Variants in POFUT3 observed in about 807,000 individuals in gnomAD.
The protein encoded by POFUT3 is protein O-fucosyltransferase 3, also known as GDP-fucose protein O-fucosyltransferase 3.
chr8:33,326,935 C>G, the POFUT3 span, among the ~76,000 whole-genome samples: 2 of 152,206 alleles, frequency 1.3e-5, no homozygotes, highest in Admixed American at 6.5e-5. Flanking sequence ...GGCCCATGCC[C>G]AGCTAATTTT....
At chr8:33,467,932 A>G in the POFUT3 span, among the ~76,000 whole-genome samples, 1 of 152,042 alleles carries the variant, frequency 6.6e-6, no homozygotes, top group Non-Finnish European at 1.5e-5. Context: ...TGACACTCTG[A>G]GCTTTCCGAA....
At chr8:33,309,968 T>C in the POFUT3 span, among the ~76,000 whole-genome samples, 1 of 152,210 alleles carries the variant, frequency 6.6e-6, no homozygotes, top group African/African-American at 2.4e-5. Flanking sequence ...ACCCCCGTGC[T>C]GCATATGATT....
At chr8:33,455,782 C>T in the POFUT3 span, 16 of 455,922 alleles carry the variant, frequency 3.5e-5, no homozygotes, top group South Asian at 2.2e-4. Flanking sequence ...CTTTTATGTG[C>T]TCGCTGCTCC....
the POFUT3 span, chr8:33,372,853 C>A: frequency 6.5e-7 from 1 of 1,541,320 alleles, no homozygotes; most frequent in East Asian, 2.3e-5. Context: ...GATAATGAAG[C>A]ACAATTCCCT....
chr8:33,406,665 C>T, the POFUT3 span, among the ~76,000 whole-genome samples: 2 of 151,788 alleles, frequency 1.3e-5, no homozygotes, highest in East Asian at 1.9e-4. Context: ...AACTCCTGCG[C>T]TCAAACAATC....
At chr8:33,388,908 G>A in the POFUT3 span, 2 of 1,353,882 alleles carry the variant, frequency 1.5e-6, no homozygotes, top group Non-Finnish European at 2.1e-6. Context: ...CAGGAGAGCA[G>A]AGAACATCAA....
the POFUT3 span, among the ~76,000 whole-genome samples, chr8:33,431,477 G>A: frequency 2.4e-3 from 339 of 140,688 alleles, no homozygotes; most frequent in African/African-American, 6.6e-3. Context: ...GAACCTGGGA[G>A]GCAGAGGTTG....
At chr8:33,394,361 A>G in the POFUT3 span, 1 of 157,138 alleles carries the variant, frequency 6.4e-6, no homozygotes, top group South Asian at 1.8e-4. Flanking sequence ...GACCCCCACA[A>G]GTGAACCACT....
At chr8:33,326,699 C>A in the POFUT3 span, among the ~76,000 whole-genome samples, 648 of 152,274 alleles carry the variant, frequency 4.3e-3, 15 homozygotes, top group Admixed American at 0.038. Context: ...CTTTGCCTGA[C>A]TTTAGAGATG....
the POFUT3 span, among the ~76,000 whole-genome samples, chr8:33,438,929 C>T: frequency 1.3e-5 from 2 of 148,152 alleles, no homozygotes; most frequent in African/African-American, 2.6e-5. Context: ...GTCTTTTCCA[C>T]AACACGTGGG....
At chr8:33,438,414 CA>C in the POFUT3 span, among the ~76,000 whole-genome samples, 1 of 151,856 alleles carries the variant, frequency 6.6e-6, no homozygotes, top group African/African-American at 2.4e-5. Flanking sequence ...CCTGTCTCTA[CA>C]AAAAAAATTA....
At chr8:33,372,699 G>T in the POFUT3 span, 4 of 1,613,896 alleles carry the variant, frequency 2.5e-6, no homozygotes, top group African/African-American at 1.3e-5. Context: ...CACATCTCTC[G>T]CAAAGAGCTC....
At chr8:33,379,991 GTATATATATATAC>G in the POFUT3 span, among the ~76,000 whole-genome samples, 1 of 36,606 alleles carries the variant, frequency 2.7e-5, no homozygotes, top group African/African-American at 2.1e-4. Context: ...TATATATATA[GTATATATATATAC>G]TATATATATA....
the POFUT3 span, among the ~76,000 whole-genome samples, chr8:33,387,103 T>TTG: frequency 2.5e-3 from 372 of 151,120 alleles, 2 homozygotes; most frequent in African/African-American, 8.0e-3. Context: ...GTGTGTGTGT[T>TTG]TGTGTGTGTG....
the POFUT3 span, among the ~76,000 whole-genome samples, chr8:33,386,804 C>T: frequency 7.8e-4 from 119 of 152,202 alleles, no homozygotes; most frequent in African/African-American, 2.7e-3. Flanking sequence ...AGGGAGATTC[C>T]GTCTCAAAAA....
the POFUT3 span, among the ~76,000 whole-genome samples, chr8:33,349,484 C>T: frequency 6.6e-6 from 1 of 152,090 alleles, no homozygotes; most frequent in Admixed American, 6.6e-5. Context: ...ATTCTTATGC[C>T]TTTGCATCCT....
chr8:33,392,315 C>T, the POFUT3 span, among the ~76,000 whole-genome samples: 2 of 152,154 alleles, frequency 1.3e-5, no homozygotes, highest in Admixed American at 6.5e-5. Context: ...ATGGCTCACA[C>T]CTATAATCCC....
At chr8:33,326,846 T>C in the POFUT3 span, among the ~76,000 whole-genome samples, 8 of 152,322 alleles carry the variant, frequency 5.3e-5, no homozygotes, top group African/African-American at 1.9e-4. Context: ...GGCAAGATCA[T>C]AGCTCGCTGC....
the POFUT3 span, among the ~76,000 whole-genome samples, chr8:33,333,329 A>C: frequency 6.6e-6 from 1 of 152,334 alleles, no homozygotes; most frequent in South Asian, 2.1e-4. Context: ...GGAGGTAAGG[A>C]GGTCAGACCA....
Sources: gnomAD v4.1 joint callset for allele counts (sites outside exome capture counted in the v4.1 genomes callset) on GRCh38, gnomAD v4.1.1 for gene constraint, MANE v1.5 for transcripts, NCBI Gene and HGNC (gene_info 2026-07-23, HGNC 2026-07-21) for gene names.